Variants in MMP26 observed in about 807,000 individuals in gnomAD.
MMP26 encodes the protein matrix metalloproteinase-26.
Under a neutral mutation model 31.0 loss-of-function variants are expected in MMP26, and 33 were observed. The observed-to-expected ratio is 1.06, with a 90% CI of 0.81 to 1.42. The LOEUF (loss-of-function observed/expected upper bound fraction) is 1.42. Ranked by LOEUF, MMP26 falls within the 40% of genes most tolerant of loss-of-function variation. The probability of loss-of-function intolerance (pLI) is 0.00; values close to 1 mark genes in which losing one functional copy is unlikely to be tolerated. For missense variants in MMP26, 347 were observed against 316.1 expected, an observed-to-expected ratio of 1.10 and a Z score of -0.74; for synonymous variants, 122 against 114.9, an observed-to-expected ratio of 1.06 and a Z score of -0.40.
Position 4,878,479 on chromosome 11 carries a change from G to A in MMP26, c.-144-109589G>A, listed in dbSNP as rs564519297. Reference sequence around the variant, plus strand: ...TTTGAGAAAATGGTGCATTCAGTGAGTTGGAAAAATAAGAAATTTCATATA... The same window carrying A: ...TTTGAGAAAATGGTGCATTCAGTGAATTGGAAAAATAAGAAATTTCATATA... On this transcript the variant is annotated intron_variant, in intron 2 of 7. Transcript: ENST00000380390. Among the ~76,000 whole-genome samples, 22 of 152,200 alleles carry A rather than the reference G, an allele frequency of 1.4e-4. No individual in the cohort carries two copies. In the Middle Eastern group the frequency reaches 0.01, roughly 71 times the overall value.
At chr11:4,917,171 T>C (rs1851108928) in intron 2 of MMP26, among the ~76,000 whole-genome samples, 1 of 152,184 alleles carries the variant, frequency 6.6e-6, no homozygotes, top group Non-Finnish European at 1.5e-5. Context: ...ATGAATAAGT[T>C]ATTTTTTATT....
chr11:4,847,152 C>A (rs922579457), intron 2 of MMP26, among the ~76,000 whole-genome samples: 9 of 152,214 alleles, frequency 5.9e-5, no homozygotes, highest in Non-Finnish European at 4.4e-5. Flanking sequence ...TTTATCACAT[C>A]CACTAACATC....
chr11:4,865,459 A>G (rs144266741), intron 2 of MMP26, among the ~76,000 whole-genome samples: 59 of 152,260 alleles, frequency 3.9e-4, no homozygotes, highest in Middle Eastern at 3.4e-3. Context: ...CAAAAAAACT[A>G]TTTAAAAAAT....
chr11:4,709,600 C>T (rs1847830455), intron 1 of MMP26: 1 of 455,696 alleles, frequency 2.2e-6, no homozygotes, highest in African/African-American at 2.0e-5. Flanking sequence ...ATTTTCCACC[C>T]TGCAGTCTTC....
intron 2 of MMP26, among the ~76,000 whole-genome samples, chr11:4,933,560 G>GT (rs1429686323): frequency 7.3e-4 from 10 of 13,646 alleles, no homozygotes; most frequent in East Asian, 0.012. Flanking sequence ...TTTTTTGTTT[G>GT]TTTTGTTTTT....
intron 2 of MMP26, among the ~76,000 whole-genome samples, chr11:4,800,255 T>G (rs960822161): frequency 6.6e-6 from 1 of 152,206 alleles, no homozygotes; most frequent in Non-Finnish European, 1.5e-5. Context: ...CCCCTGAAAT[T>G]TAGGGGGAAG....
chr11:4,803,958 T>A (rs1188342278), intron 2 of MMP26: 1 of 1,613,272 alleles, frequency 6.2e-7, no homozygotes, highest in South Asian at 1.1e-5. Context: ...TCACGACCGA[T>A]GGGGTCAGGA....
Position 4,742,538 on chromosome 11 carries a change from T to C in MMP26, c.-216-24732T>C, listed in dbSNP as rs1413784139. Among the ~76,000 whole-genome samples, 10 of 151,950 alleles carry C rather than the reference T, an allele frequency of 6.6e-5. No individual in the cohort carries two copies. The East Asian group carries it at 1.9e-3, about 29-fold the overall frequency. The stretch of plus-strand genomic sequence containing the variant: ...TTATTTCTGGGTATGTCTGGGAAGG[T>C]TTTTCCAGAAGAGATTAGCATTTGA... On this transcript the variant is annotated intron_variant, in intron 1 of 7. Coordinates refer to ENST00000380390, the MANE Select transcript of MMP26 (RefSeq NM_021801.5).
intron 1 of MMP26, chr11:4,710,368 G>A (rs1354334101): frequency 2.2e-6 from 1 of 456,846 alleles, no homozygotes; most frequent in East Asian, 6.9e-5. Context: ...CACAGATTTG[G>A]AAAGCATGCC....
chr11:4,852,313 G>A (rs1849986546), intron 2 of MMP26, among the ~76,000 whole-genome samples: 1 of 151,722 alleles, frequency 6.6e-6, no homozygotes, highest in Non-Finnish European at 1.5e-5. Context: ...AAATACACAA[G>A]GAAATAGAAA....
chr11:4,769,141 G>T, intron 2 of MMP26: 1 of 1,612,646 alleles, frequency 6.2e-7, no homozygotes, highest in Non-Finnish European at 8.5e-7. Context: ...CCAAGGACAG[G>T]CTCAGCATGT....
At chr11:4,912,804 T>C (rs1774995547) in intron 2 of MMP26, 1 of 152,292 alleles carries the variant, frequency 6.6e-6, no homozygotes, top group Middle Eastern at 3.4e-3. Flanking sequence ...TAAAAAACTA[T>C]AGAATGCTAG....
At position 4,775,660 on chromosome 11, in the gene MMP26, T is replaced by G. The variant is rs560468034; in HGVS notation, c.-145+8319T>G. ...GTGTCAGCATCAGCTCAGCTTCTGG[T>G]GAGGGCCTCATGTTGCTTCCACTCA... is the stretch of plus-strand genomic sequence containing the variant. On this transcript the variant is annotated intron_variant, in intron 2 of 7. Transcript: ENST00000380390. Among the ~76,000 whole-genome samples, 426 of 151,874 alleles carry G rather than the reference T, an allele frequency of 2.8e-3. 3 individuals are homozygous for G. The highest frequency in any genetic ancestry group is 9.6e-3 in the African/African-American group (398 of 41,400).
chr11:4,737,243 T>C (rs1848253025), intron 1 of MMP26, among the ~76,000 whole-genome samples: 1 of 152,232 alleles, frequency 6.6e-6, no homozygotes, highest in Non-Finnish European at 1.5e-5. Context: ...TTTTAACGTC[T>C]CCTTTCTACT....
chr11:4,946,188 C>T, intron 2 of MMP26: 1 of 1,613,962 alleles, frequency 6.2e-7, no homozygotes, highest in Non-Finnish European at 8.5e-7. Flanking sequence ...AATTTTGCTA[C>T]AACTCTCACT....
chr11:4,882,608 CA>C (rs1850490274), intron 2 of MMP26: 1 of 1,613,902 alleles, frequency 6.2e-7, no homozygotes, highest in Admixed American at 1.7e-5. Flanking sequence ...AAAGAAGCAA[CA>C]AAAAGCTCTC....
chr11:4,991,608 T>C lies in MMP26; in HGVS notation c.595+112T>C, dbSNP rs1395497928. The C allele has an allele frequency of 1.2e-5, 17 of 1,361,212 alleles. No homozygotes were observed. The South Asian group carries it at 1.3e-4, about 11-fold the overall frequency. 84.3% of individuals were successfully genotyped at this position (1,361,212 alleles called of 1,614,324 possible). ...GTCAGGGTGAGGTGGAAGATTTGGC[T>C]GAGGAATCAGGTCTTCTTTATAAGT... On this transcript the variant is annotated intron_variant, in intron 6 of 7. Coordinates refer to ENST00000380390, the MANE Select transcript of MMP26 (RefSeq NM_021801.5).
At chr11:4,989,552 C>A in intron 3 of MMP26, 96 bp from the exon 4 acceptor site, 1 of 939,064 alleles carries the variant, frequency 1.1e-6, no homozygotes, top group Non-Finnish European at 1.6e-6. Context: ...TAAGTACCGT[C>A]CTTCTGAGAC....
chr11:4,954,652 A>C, intron 2 of MMP26: 1 of 632,398 alleles, frequency 1.6e-6, no homozygotes, highest in South Asian at 1.9e-5. Context: ...AGTGAATAAA[A>C]TAAGTCTGTG....
Sources: allele counts gnomAD v4.1 joint callset (sites outside exome capture counted in the v4.1 genomes callset), GRCh38; gene constraint gnomAD v4.1.1; transcripts MANE v1.5; gene names NCBI Gene and HGNC (gene_info 2026-07-23, HGNC 2026-07-21).